Variants in RPS6KA1 observed in about 807,000 individuals in gnomAD.
The protein encoded by RPS6KA1 is ribosomal protein S6 kinase alpha-1.
In RPS6KA1, 48 loss-of-function variants were observed where a neutral mutation model predicts 91.3. The ratio of observed to expected loss-of-function variants is 0.53; its 90% CI spans 0.42 to 0.67. The LOEUF (loss-of-function observed/expected upper bound fraction) is 0.67. Ranked by LOEUF, RPS6KA1 falls within the 30% of genes least tolerant of loss-of-function variation. The pLI is 0.00. For synonymous variants in RPS6KA1, 359 were observed against 384.7 expected, an observed-to-expected ratio of 0.93 and a Z score of 0.78; for missense variants, 719 against 960.5, an observed-to-expected ratio of 0.75 and a Z score of 3.32.
intron 2 of RPS6KA1, among the ~76,000 whole-genome samples, chr1:26,539,046 G>C (rs2075927191): frequency 6.6e-6 from 1 of 152,268 alleles, no homozygotes; most frequent in South Asian, 2.1e-4. Flanking sequence ...TCTTTGGGCA[G>C]AGGGTAGAGA....
In RPS6KA1 at chr1:26,571,821, C is replaced by A; in HGVS notation, c.1753-28C>A. On this transcript the variant is annotated intron_variant, in intron 18 of 21. Coordinates refer to ENST00000374168, the MANE Select transcript of RPS6KA1 (RefSeq NM_002953.4). This position sits in a 1 kb window ranked among gnomAD's most constrained non-coding sequence, Gnocchi z 5.1. ...GGCGACTTTCTACTGCCCCCCCAGA[C>A]TGACCACCTCCCCTGCCCTGTTGCC... 6.2e-7 allele frequency: 1 copy of A among 1,601,924 alleles called. No homozygotes were observed. The highest frequency in any genetic ancestry group is 8.5e-7 in the Non-Finnish European group (1 of 1,176,920).
At chr1:26,535,246 A>G (rs2075897782) in intron 1 of RPS6KA1, among the ~76,000 whole-genome samples, 2 of 151,758 alleles carry the variant, frequency 1.3e-5, no homozygotes, top group South Asian at 4.2e-4. Context: ...GCCCCTGGGG[A>G]GAGATTAGGG....
At chr1:26,572,048 T>A in intron 19 of RPS6KA1, 123 bp downstream of exon 19, 3 of 1,297,050 alleles carry the variant, frequency 2.3e-6, no homozygotes, top group Non-Finnish European at 1.1e-6. Context: ...AATAGGGACA[T>A]GCTCCTGCCT....
At position 26,554,783 on chromosome 1, in the gene RPS6KA1, CCT is replaced by C. The variant is rs2076084455; in HGVS notation, c.756+47_756+48del. The stretch of plus-strand genomic sequence containing the variant: ...TAAAGGATCCAGCCCAAGCCTCTGG[CCT>C]CAGTCTCCCTATCTGTACAGTGAGG... On this transcript the variant is annotated intron_variant, in intron 9 of 21. Transcript: ENST00000374168. This position sits in a 1 kb window ranked among gnomAD's most constrained non-coding sequence, Gnocchi z 4.6. The C allele has an allele frequency of 1.3e-6, 2 of 1,560,176 alleles. No homozygotes were observed. The highest frequency in any genetic ancestry group is 8.7e-7 in the Non-Finnish European group (1 of 1,147,272).
chr1:26,551,416 C>T lies in RPS6KA1; in HGVS notation c.327C>T (p.Thr109=). 3 of 1,614,138 alleles carry T rather than the reference C, an allele frequency of 1.9e-6. No individual in the cohort carries two copies. The highest frequency in any genetic ancestry group is 2.5e-6 in the Non-Finnish European group (3 of 1,180,016). ...ATLKVRDRVR[T]KMERDILADV... Reference sequence around the variant, plus strand: ...GGCCAGTACGTGACCGCGTCCGGACCAAGATGGAGAGAGACATCCTGGCTG... The same window carrying T: ...GGCCAGTACGTGACCGCGTCCGGACTAAGATGGAGAGAGACATCCTGGCTG... The change falls in exon 5 of 22, where the codon ACC becomes ACT. Residue 109 remains threonine (T), a synonymous_variant. Coordinates refer to ENST00000374168, the MANE Select transcript of RPS6KA1 (RefSeq NM_002953.4). The surrounding 1 kb of genome is among the most constrained non-coding windows in gnomAD (Gnocchi z 4.5).
chr1:26,535,015 G>A (rs1220788582), intron 1 of RPS6KA1, among the ~76,000 whole-genome samples: 1 of 152,186 alleles, frequency 6.6e-6, no homozygotes, highest in Non-Finnish European at 1.5e-5. Flanking sequence ...TTGGAGTGGG[G>A]AAGGCTGTGG....
chr1:26,559,397 T>G (rs2076134349), intron 14 of RPS6KA1, among the ~76,000 whole-genome samples: 1 of 152,056 alleles, frequency 6.6e-6, no homozygotes, highest in Non-Finnish European at 1.5e-5. Context: ...GACGTAGTCT[T>G]GCTCTGTTGC....
rs532526751 is a variant in RPS6KA1 at position 26,574,029 on chromosome 1, C to A, written c.2086-50C>A. The A allele has an allele frequency of 8.4e-5, 133 of 1,590,560 alleles. No homozygotes were observed. The East Asian group carries it at 2.5e-3, about 30-fold the overall frequency. Reference sequence around the variant, plus strand: ...CTACCCTTGGGGCATGGATCCCCTCCCCGCTACATCTCCCACCATTGTGAC... The same window carrying A: ...CTACCCTTGGGGCATGGATCCCCTCACCGCTACATCTCCCACCATTGTGAC... On this transcript the variant is annotated intron_variant, in intron 21 of 21. Coordinates refer to ENST00000374168, the MANE Select transcript of RPS6KA1 (RefSeq NM_002953.4). The surrounding 1 kb of genome is among the most constrained non-coding windows in gnomAD (Gnocchi z 4.3).
At position 26,571,511 on chromosome 1, in the gene RPS6KA1, G is replaced by C. The variant is rs2076248438; in HGVS notation, c.1653G>C (p.Glu551Asp). 2.5e-6 allele frequency: 4 copies of C among 1,614,096 alleles called. No homozygotes were observed. Among genetic ancestry groups the C allele is most frequent in the Non-Finnish European group, 3.4e-6 (4 of 1,180,048 alleles). ...ATGTGGACGAGTCCGGGAATCCCGA[G>C]TGCCTGCGCATCTGTGACTTTGGTT... ...ILYVDESGNP[E>D]CLRICDFGFA... is the part of the protein sequence containing the mutation. Residue 551 changes from glutamate to aspartate, a missense_variant, in exon 18 of 22, where the codon GAG (glutamate) becomes GAC (aspartate). Glu to Asp is a conservative substitution (Grantham distance 45). This residue lies in a region of RPS6KA1 where 249 missense variants were observed against 323.1 expected (regional missense o/e 0.77). Transcript: ENST00000374168. This position sits in a 1 kb window ranked among gnomAD's most constrained non-coding sequence, Gnocchi z 5.1.
intron 17 of RPS6KA1, among the ~76,000 whole-genome samples, chr1:26,563,026 A>G (rs2076167984): frequency 6.6e-6 from 1 of 151,470 alleles, no homozygotes; most frequent in African/African-American, 2.4e-5. Flanking sequence ...TTTAGTAGAG[A>G]TGGGGTTTCA....
At chr1:26,567,442 G>A (rs1175617519) in intron 17 of RPS6KA1, among the ~76,000 whole-genome samples, 1 of 151,984 alleles carries the variant, frequency 6.6e-6, no homozygotes, top group Non-Finnish European at 1.5e-5. Context: ...GTACAATGGC[G>A]CAGTCTCGGC....
At chr1:26,557,606 G>T (rs72879014) in intron 13 of RPS6KA1, among the ~76,000 whole-genome samples, 3 of 152,104 alleles carry the variant, frequency 2.0e-5, no homozygotes, top group African/African-American at 7.2e-5. Context: ...CATTCCCTGG[G>T]GTTGCTACAA....
intron 4 of RPS6KA1, among the ~76,000 whole-genome samples, chr1:26,549,690 C>CTTTTTTTTTTTTTTTT (rs561375723): frequency 2.9e-5 from 3 of 101,916 alleles, no homozygotes; most frequent in Non-Finnish European, 3.7e-5. Context: ...AAAGCCTGTT[C>CTTTTTTTTTTTTTTTT]TTTTTTTTTT....
Position 26,551,784 on chromosome 1 carries a change from C to A in RPS6KA1, c.468+61C>A. 1.4e-6 allele frequency: 2 copies of A among 1,382,992 alleles called. No individual in the cohort carries two copies. The highest frequency in any genetic ancestry group is 2.1e-6 in the Non-Finnish European group (2 of 970,242). 85.7% of individuals were successfully genotyped at this position (1,382,992 alleles called of 1,614,324 possible). On this transcript the variant is annotated intron_variant, in intron 6 of 21. Coordinates refer to ENST00000374168, the MANE Select transcript of RPS6KA1 (RefSeq NM_002953.4). The surrounding 1 kb of genome is among the most constrained non-coding windows in gnomAD (Gnocchi z 4.5). ...GGAGCTGAGGGACGACAAGTCCTCC[C>A]ATCCCAGGGCCCTGTACAGAATGTG...
chr1:26,556,924 C>A, intron 12 of RPS6KA1, 74 bp from the exon 13 acceptor site: 1 of 1,290,948 alleles, frequency 7.7e-7, no homozygotes, highest in Non-Finnish European at 1.1e-6. Flanking sequence ...AAGCCCAGCA[C>A]CTCCTCCTGC....
Position 26,560,995 on chromosome 1 carries a change from A to G in RPS6KA1, c.1342-50A>G, listed in dbSNP as rs746923900. 14 of 1,599,546 alleles carry G rather than the reference A, an allele frequency of 8.8e-6. No individual in the cohort carries two copies. In the South Asian group the frequency reaches 1.3e-4, roughly 15 times the overall value. ...CTGGCCTGCTCCATGGCCAGAAAGG[A>G]CCCTGGACCCTGTCACCCTGACACT... On this transcript the variant is annotated intron_variant, in intron 15 of 21. Coordinates refer to ENST00000374168, the MANE Select transcript of RPS6KA1 (RefSeq NM_002953.4).
chr1:26,573,286 G>T lies in RPS6KA1; in HGVS notation c.2010G>T (p.Leu670=), dbSNP rs1444039702. Residue 670 remains leucine, a synonymous_variant, in exon 21 of 22, where the codon CTG becomes CTT. Coordinates refer to ENST00000374168, the MANE Select transcript of RPS6KA1 (RefSeq NM_002953.4). The part of the protein sequence containing the change: ...PHQRLTAKQV[L]QHPWVTQKDK... Reference sequence around the variant, plus strand: ...AGCGCCTCACAGCTAAGCAGGTTCTGCAGCATCCATGGGTCACCCAGAAAG... The same window carrying T: ...AGCGCCTCACAGCTAAGCAGGTTCTTCAGCATCCATGGGTCACCCAGAAAG... 3 of 1,614,190 alleles carry T rather than the reference G, an allele frequency of 1.9e-6. No homozygotes were observed. Among genetic ancestry groups the T allele is most frequent in the Non-Finnish European group, 8.5e-7 (1 of 1,180,012 alleles).
chr1:26,548,855 G>A (rs1363963536), intron 4 of RPS6KA1, among the ~76,000 whole-genome samples: 1 of 151,668 alleles, frequency 6.6e-6, no homozygotes, highest in Non-Finnish European at 1.5e-5. Flanking sequence ...GTTAACTCCG[G>A]TGTGGTCCTT....
intron 17 of RPS6KA1, among the ~76,000 whole-genome samples, chr1:26,563,357 A>G (rs1254216719): frequency 6.6e-6 from 1 of 151,422 alleles, no homozygotes; most frequent in Non-Finnish European, 1.5e-5. Flanking sequence ...CCTCCCAAAT[A>G]GCGGGGACCA....
Sources: gnomAD v4.1 joint callset for allele counts (sites outside exome capture counted in the v4.1 genomes callset) on GRCh38, gnomAD v4.1.1 for gene constraint, gnomAD v4.1.1 regional missense constraint, Gnocchi (gnomAD v3.1) non-coding constraint, MANE v1.5 for transcripts, NCBI Gene and HGNC (gene_info 2026-07-23, HGNC 2026-07-21) for gene names.